ARID1B: variants seen among roughly 807,000 people sequenced by gnomAD.
ARID1B encodes the protein AT-rich interactive domain-containing protein 1B.
In ARID1B, 30 loss-of-function variants were observed where a neutral mutation model predicts 212.3. That is an observed-to-expected ratio of 0.14 (90% confidence interval 0.11 to 0.19). ARID1B has a LOEUF of 0.19. ARID1B is among the 10% of genes least tolerant of loss of function. The pLI is 1.00. For synonymous variants in ARID1B, 1,402 were observed against 1,301.7 expected, an observed-to-expected ratio of 1.08 and a Z score of -1.66; for missense variants, 2,891 against 3,204.0, an observed-to-expected ratio of 0.90 and a Z score of 2.36.
chr6:156,929,355 A>G (rs1791509607), intron 3 of ARID1B, among the ~76,000 whole-genome samples: 1 of 152,228 alleles, frequency 6.6e-6, no homozygotes, highest in Non-Finnish European at 1.5e-5. Flanking sequence ...AGGGAGGTCA[A>G]TAATATGCCA....
At chr6:157,057,813 G>T (rs1429038890) in intron 4 of ARID1B, among the ~76,000 whole-genome samples, 1 of 152,064 alleles carries the variant, frequency 6.6e-6, no homozygotes, top group Non-Finnish European at 1.5e-5. Flanking sequence ...CTTGATTCTA[G>T]AATCAAACAA....
intron 1 of ARID1B, among the ~76,000 whole-genome samples, chr6:156,801,196 C>CTTTTTTT (rs397887993): frequency 2.8e-5 from 3 of 105,938 alleles, no homozygotes; most frequent in Non-Finnish European, 5.7e-5. Context: ...CTTGAATAAT[C>CTTTTTTT]TTTTTTTTTT....
chr6:156,860,656 T>A (rs1785264301), intron 2 of ARID1B, among the ~76,000 whole-genome samples: 1 of 152,196 alleles, frequency 6.6e-6, no homozygotes, highest in Non-Finnish European at 1.5e-5. Context: ...AAGAAAAGGA[T>A]TTCAGTCTTC....
chr6:156,974,921 T>C (rs1028493609), intron 4 of ARID1B, among the ~76,000 whole-genome samples: 17 of 152,230 alleles, frequency 1.1e-4, no homozygotes, highest in Middle Eastern at 3.2e-3. Flanking sequence ...TTATTTTATC[T>C]ACCATTTGAT....
chr6:157,197,546 G>C (rs1793810663), intron 16 of ARID1B, among the ~76,000 whole-genome samples: 1 of 152,216 alleles, frequency 6.6e-6, no homozygotes, highest in African/African-American at 2.4e-5. Context: ...CTTTCTCCTA[G>C]GGACCTAGGA....
At position 157,201,100 on chromosome 6, in the gene ARID1B, C is replaced by T. The variant is rs748119553; in HGVS notation, c.4875C>T (p.Pro1625=). 38 of 1,614,192 alleles carry T rather than the reference C, an allele frequency of 2.4e-5. No individual in the cohort carries two copies. Among genetic ancestry groups the T allele is most frequent in the South Asian group, 2.3e-4 (21 of 91,084 alleles). The change falls in exon 18 of 20, where the codon CCC becomes CCT. Residue 1625 remains proline (P), a synonymous_variant. Coordinates refer to ENST00000636930, the MANE Select transcript of ARID1B (RefSeq NM_001374828.1). The surrounding 1 kb of genome is among the most constrained non-coding windows in gnomAD (Gnocchi z 5.2). The part of the protein sequence containing the change: ...GMNRTDDMMV[P]DQRINHESQW... ...ACCGCACAGACGATATGATGGTACC[C>T]GATCAGAGGATAAATCATGAGAGCC...
At chr6:157,027,268 A>G (rs2128488116) in intron 4 of ARID1B, among the ~76,000 whole-genome samples, 2 of 152,350 alleles carry the variant, frequency 1.3e-5, no homozygotes, top group Middle Eastern at 3.4e-3. Flanking sequence ...CTGTGGTTAA[A>G]TTTCAGTATA....
intron 2 of ARID1B, among the ~76,000 whole-genome samples, chr6:156,850,439 A>G (rs1180326249): frequency 6.6e-6 from 1 of 152,106 alleles, no homozygotes; most frequent in African/African-American, 2.4e-5. Context: ...TGTATTTTGA[A>G]TTCCTAATTT....
chr6:156,844,759 A>G (rs972472040), intron 2 of ARID1B, among the ~76,000 whole-genome samples: 6 of 152,312 alleles, frequency 3.9e-5, no homozygotes, highest in Middle Eastern at 3.4e-3. Context: ...GGTTAAATCA[A>G]CTTTCAGTGT....
At chr6:156,948,395 T>C (rs372960624) in intron 4 of ARID1B, among the ~76,000 whole-genome samples, 4 of 151,402 alleles carry the variant, frequency 2.6e-5, no homozygotes, top group Non-Finnish European at 4.4e-5. Flanking sequence ...AAATTTCTTA[T>C]AGAGATGGGG....
chr6:157,117,357 G>A lies in ARID1B; in HGVS notation c.2581+6796G>A, dbSNP rs148361445. Among the ~76,000 whole-genome samples the A allele has an allele frequency of 5.5e-3, 830 of 152,132 alleles. 6 individuals carry two copies. The highest frequency in any genetic ancestry group is 0.019 in the African/African-American group (784 of 41,492). ...TTAACCCCGAATGTTAACTGCCTTGGTATAATTTTATTCCTACTAATTAAT... is the reference window on the plus strand; with the variant it reads ...TTAACCCCGAATGTTAACTGCCTTGATATAATTTTATTCCTACTAATTAAT... On this transcript the variant is annotated intron_variant, in intron 6 of 19. Transcript: ENST00000636930.
chr6:156,876,999 A>G (rs1786616241), intron 2 of ARID1B, among the ~76,000 whole-genome samples: 1 of 152,084 alleles, frequency 6.6e-6, no homozygotes, highest in Admixed American at 6.5e-5. Context: ...GGTTCAAGCG[A>G]TTCTCCTGCC....
chr6:157,186,838 TG>T (rs1793009887), intron 13 of ARID1B, among the ~76,000 whole-genome samples: 1 of 152,232 alleles, frequency 6.6e-6, no homozygotes, highest in South Asian at 2.1e-4. Flanking sequence ...CTAAGTCTTT[TG>T]ACTGTATTCT....
chr6:157,052,657 A>T (rs1782685777), intron 4 of ARID1B, among the ~76,000 whole-genome samples: 1 of 152,264 alleles, frequency 6.6e-6, no homozygotes, highest in African/African-American at 2.4e-5. Flanking sequence ...AATTTAAGAA[A>T]TGGACAAAGA....
At chr6:157,069,259 TATTC>T in intron 4 of ARID1B, among the ~76,000 whole-genome samples, 1 of 152,354 alleles carries the variant, frequency 6.6e-6, no homozygotes, top group African/African-American at 2.4e-5. Context: ...TTTTATATAT[TATTC>T]ATGTCCTGCA....
At position 157,190,119 on chromosome 6, in the gene ARID1B, C is replaced by T. The variant is rs370523060; in HGVS notation, c.4140C>T (p.Asn1380=). ...SFPKRNSMTP[N]APYQQGMSMP... ...CGAAACGGAACTCCATGACTCCAAA[C>T]GCCCCCTACCAGCAGGGCATGAGCA... The change falls in exon 15 of 20, where the codon AAC becomes AAT. Residue 1380 remains asparagine (N), a synonymous_variant. Coordinates refer to ENST00000636930, the MANE Select transcript of ARID1B (RefSeq NM_001374828.1). This position sits in a 1 kb window ranked among gnomAD's most constrained non-coding sequence, Gnocchi z 4.6. 3.2e-5 allele frequency: 52 copies of T among 1,614,192 alleles called. No homozygotes were observed. Among genetic ancestry groups the T allele is most frequent in the Admixed American group, 2.7e-4 (16 of 60,028 alleles).
At chr6:157,097,131 TATC>T (rs1342508114) in intron 5 of ARID1B, among the ~76,000 whole-genome samples, 1 of 152,232 alleles carries the variant, frequency 6.6e-6, no homozygotes, top group Non-Finnish European at 1.5e-5. Flanking sequence ...TCTTAAGTTT[TATC>T]ATGAAAACAA....
chr6:156,916,186 A>G (rs1368270214), intron 3 of ARID1B, among the ~76,000 whole-genome samples: 1 of 152,160 alleles, frequency 6.6e-6, no homozygotes, highest in Non-Finnish European at 1.5e-5. Context: ...ACAGTTGGAC[A>G]TTGGTAATTT....
chr6:156,914,282 T>C (rs1457841552), intron 3 of ARID1B, among the ~76,000 whole-genome samples: 3 of 152,224 alleles, frequency 2.0e-5, no homozygotes, highest in Non-Finnish European at 4.4e-5. Context: ...AGTGAGATCA[T>C]GCGGTATGAA....
Sources: allele counts gnomAD v4.1 joint callset (sites outside exome capture counted in the v4.1 genomes callset), GRCh38; gene constraint gnomAD v4.1.1; non-coding constraint Gnocchi (gnomAD v3.1); transcripts MANE v1.5; gene names NCBI Gene and HGNC (gene_info 2026-07-23, HGNC 2026-07-21).